Variants in CACHD1 observed in about 807,000 individuals in gnomAD.
CACHD1 encodes the protein VWFA and cache domain-containing protein 1.
In CACHD1, 71 loss-of-function variants were observed where a neutral mutation model predicts 138.7. That is an observed-to-expected ratio of 0.51 (90% CI 0.42 to 0.62). The LOEUF is 0.62. Among genes scored for constraint, CACHD1 ranks in the 20% least tolerant of loss-of-function variants. The pLI, the probability that CACHD1 is intolerant of heterozygous loss-of-function variation, is 0.00. For missense variants in CACHD1, 1,389 were observed against 1,625.3 expected (o/e 0.85, Z 2.50); for synonymous variants, 578 against 591.5 (o/e 0.98, Z 0.33).
chr1:64,688,922 T>TA (rs1650453088), intron 26 of CACHD1, among the ~76,000 whole-genome samples: 2 of 152,208 alleles, frequency 1.3e-5, no homozygotes, highest in Non-Finnish European at 2.9e-5. Flanking sequence ...TCTACCCAAT[T>TA]GTCACCTCAA....
intron 25 of CACHD1, among the ~76,000 whole-genome samples, chr1:64,681,579 G>A (rs187210755): frequency 5.3e-4 from 49 of 93,332 alleles, no homozygotes; most frequent in African/African-American, 2.4e-3. Context: ...TAAGTGTGTT[G>A]GCCTAAAACA....
intron 1 of CACHD1, among the ~76,000 whole-genome samples, chr1:64,541,650 A>C (rs1318189070): frequency 6.6e-6 from 1 of 151,434 alleles, no homozygotes; most frequent in Non-Finnish European, 1.5e-5. Flanking sequence ...TCTACCAAAC[A>C]AAACAAAACA....
rs187491948 is a variant in CACHD1, at chr1:64,625,067, A to G, written c.518-4288A>G. Among the ~76,000 whole-genome samples the G allele has an allele frequency of 1.4e-3, 216 of 152,274 alleles. 6 individuals are homozygous for G. In the South Asian group the frequency reaches 0.032, roughly 22 times the overall value. ...CCTTATGGTCTGCAAAGCCAGAAAT[A>G]TTTACTATCTGGCCCATTACAGAAG... is the stretch of plus-strand genomic sequence containing the variant. On this transcript the variant is annotated intron_variant, in intron 4 of 26. Coordinates refer to ENST00000651257, the MANE Select transcript of CACHD1 (RefSeq NM_020925.4).
At chr1:64,643,969 C>G (rs1278495267) in intron 8 of CACHD1, among the ~76,000 whole-genome samples, 1 of 152,276 alleles carries the variant, frequency 6.6e-6, no homozygotes, top group Non-Finnish European at 1.5e-5. Flanking sequence ...TCCCCTGGCA[C>G]TTTCTGCCTA....
intron 23 of CACHD1, 95 bp downstream of exon 23, chr1:64,678,405 C>G: frequency 1.1e-5 from 14 of 1,252,216 alleles, no homozygotes; most frequent in Non-Finnish European, 1.5e-5. Context: ...TTCCCAACTT[C>G]CCTGATTCCT....
chr1:64,626,186 T>C (rs578205733), intron 4 of CACHD1, among the ~76,000 whole-genome samples: 46 of 152,260 alleles, frequency 3.0e-4, no homozygotes, highest in Non-Finnish European at 6.2e-4. Context: ...CTTTGCCTCA[T>C]GCTTTGAAAT....
chr1:64,649,544 CTCACCTCCTACCCTCAGT>C (rs1308882992), intron 9 of CACHD1, among the ~76,000 whole-genome samples: 26 of 152,278 alleles, frequency 1.7e-4, no homozygotes, highest in African/African-American at 6.0e-4. Flanking sequence ...ATGAGTGAGG[CTCACCTCCTACCCTCAGT>C]AAGCGTAAGT....
chr1:64,518,004 C>T (rs1288064797), intron 1 of CACHD1, among the ~76,000 whole-genome samples: 3 of 152,170 alleles, frequency 2.0e-5, no homozygotes, highest in Non-Finnish European at 4.4e-5. Flanking sequence ...TTGTGATCCT[C>T]TTTGAACATG....
intron 1 of CACHD1, among the ~76,000 whole-genome samples, chr1:64,544,004 T>G (rs903157849): frequency 5.3e-5 from 8 of 150,842 alleles, no homozygotes; most frequent in African/African-American, 1.9e-4. Flanking sequence ...TTAAAAAAAT[T>G]TGTTTAAATG....
At chr1:64,492,002 C>T (rs1646279448) in intron 1 of CACHD1, among the ~76,000 whole-genome samples, 2 of 151,636 alleles carry the variant, frequency 1.3e-5, no homozygotes, top group South Asian at 2.1e-4. Flanking sequence ...GTGTTGAAAT[C>T]ATATACTGTA....
At chr1:64,596,108 G>A (rs1211681894) in intron 3 of CACHD1, among the ~76,000 whole-genome samples, 2 of 152,298 alleles carry the variant, frequency 1.3e-5, no homozygotes, top group Non-Finnish European at 2.9e-5. Flanking sequence ...AAACTCAGTC[G>A]AGGGGGGGGT....
At chr1:64,566,345 C>T (rs1196838227) in intron 2 of CACHD1, among the ~76,000 whole-genome samples, 1 of 152,204 alleles carries the variant, frequency 6.6e-6, no homozygotes, top group African/African-American at 2.4e-5. Flanking sequence ...TCAAAAACAA[C>T]TCTTCCAGAT....
chr1:64,510,971 A>G (rs933970021), intron 1 of CACHD1, among the ~76,000 whole-genome samples: 11 of 152,338 alleles, frequency 7.2e-5, no homozygotes, highest in African/African-American at 2.6e-4. Flanking sequence ...GTCAAAGGCC[A>G]CTGGATTTGG....
rs143631121 is a variant in CACHD1 at position 64,570,500 on chromosome 1, T to C, written c.262-11656T>C. 4.9e-3 allele frequency among the ~76,000 whole-genome samples: 745 copies of C among 152,186 alleles called. 5 individuals are homozygous for C. The highest frequency in any genetic ancestry group is 0.017 in the African/African-American group (724 of 41,530). On this transcript the variant is annotated intron_variant, in intron 2 of 26. Transcript: ENST00000651257. ...GCTGACATGCATGTCAGGCCTACCA[T>C]GGCACCAGCCTCTAAAGGAAGGTGT...
At chr1:64,657,256 T>TA (rs1252817200) in intron 12 of CACHD1, among the ~76,000 whole-genome samples, 1 of 152,146 alleles carries the variant, frequency 6.6e-6, no homozygotes, top group East Asian at 1.9e-4. Context: ...CTTCTAGAAA[T>TA]AGAGTTCCTT....
At chr1:64,587,890 A>G (rs1187664658) in intron 3 of CACHD1, among the ~76,000 whole-genome samples, 8 of 152,172 alleles carry the variant, frequency 5.3e-5, no homozygotes, top group Admixed American at 1.3e-4. Flanking sequence ...AAAGGTTTTT[A>G]AATTTGTAAA....
intron 9 of CACHD1, among the ~76,000 whole-genome samples, chr1:64,651,159 TA>T (rs547722657): frequency 1.3e-5 from 2 of 152,024 alleles, no homozygotes; most frequent in Non-Finnish European, 2.9e-5. Flanking sequence ...TTATTTTTTA[TA>T]AAAAAACAAC....
intron 2 of CACHD1, among the ~76,000 whole-genome samples, chr1:64,556,576 T>C (rs904454198): frequency 9.8e-5 from 15 of 152,332 alleles, no homozygotes; most frequent in African/African-American, 3.4e-4. Flanking sequence ...GCAGGAAATC[T>C]AACATGTTGT....
Position 64,692,726 on chromosome 1 carries a change from T to A in CACHD1, c.*1165T>A, listed in dbSNP as rs1033804260. 6.6e-6 allele frequency: 1 copy of A among 152,214 alleles called. No homozygotes were observed. The highest frequency in any genetic ancestry group is 1.5e-5 in the Non-Finnish European group (1 of 68,036). 9.4% of individuals were successfully genotyped at this position (152,214 alleles called of 1,614,324 possible). A position where few individuals can be genotyped will look rare whatever the true frequency, so the allele number is the denominator to read the frequency against. ...GCTTTGTGATTTATACAGGGATTAA[T>A]CAAATCTGGCTACTATAACATGGGG... On this transcript the variant is annotated 3_prime_UTR_variant, in exon 27 of 27. Transcript: ENST00000651257.
Sources: gnomAD v4.1 joint callset for allele counts (sites outside exome capture counted in the v4.1 genomes callset) on GRCh38, gnomAD v4.1.1 for gene constraint, MANE v1.5 for transcripts, NCBI Gene and HGNC (gene_info 2026-07-23, HGNC 2026-07-21) for gene names.